Variants in MCF2 observed in about 807,000 individuals in gnomAD.
The protein encoded by MCF2 is MCF.2 cell line derived transforming sequence.
A neutral mutation model predicts 82.5 loss-of-function variants in MCF2; 44 were observed. That is an observed-to-expected ratio of 0.53 (90% CI 0.42 to 0.69). The LOEUF is 0.69. Among genes scored for constraint, MCF2 ranks in the 30% least tolerant of loss-of-function variants. MCF2 has a pLI of 0.00. For synonymous variants in MCF2, 217 were observed against 224.9 expected, an observed-to-expected ratio of 0.96 and a Z score of 0.32; for missense variants, 623 against 663.1, an observed-to-expected ratio of 0.94 and a Z score of 0.66.
chrX:139,691,215 G>A lies in MCF2; in HGVS notation c.-45+16891C>T, dbSNP rs565448311. 9.5e-4 allele frequency among the ~76,000 whole-genome samples: 106 copies of A among 111,316 alleles called. 1 individual carries two copies. The South Asian group carries it at 0.039, about 41-fold the overall frequency. ...CTCATGGACCAAGATGAAAAGATGCGCTTTTCTGGGTGCAAAGCCCAAGTC... is the reference window on the plus strand; with the variant it reads ...CTCATGGACCAAGATGAAAAGATGCACTTTTCTGGGTGCAAAGCCCAAGTC... On this transcript the variant is annotated intron_variant, in intron 1 of 27. Transcript: ENST00000414978.
chrX:139,641,357 T>A (rs1263328346), intron 1 of MCF2, among the ~76,000 whole-genome samples: 1 of 110,319 alleles, frequency 9.1e-6, no homozygotes, highest in Non-Finnish European at 1.9e-5. Flanking sequence ...ATTCTCATAA[T>A]ATAAAAACAT....
intron 8 of MCF2, among the ~76,000 whole-genome samples, chrX:139,617,096 T>C (rs1025439643): frequency 1.8e-5 from 2 of 111,348 alleles, no homozygotes; most frequent in Non-Finnish European, 3.8e-5. Context: ...GTTTAATATT[T>C]TATTTCTGTA....
At position 139,676,660 on chromosome X, in the gene MCF2, C is replaced by T. The variant is rs182474530; in HGVS notation, c.-44-24872G>A. ...TGGTAAAGTGGAAAAAATGGCAGCA[C>T]CTATTTCACAGGGTTATTGTAATGA... On this transcript the variant is annotated intron_variant, in intron 1 of 27. Transcript: ENST00000414978. Among the ~76,000 whole-genome samples, 92 of 111,571 alleles carry T rather than the reference C, an allele frequency of 8.2e-4. 1 individual carries two copies. The highest frequency in any genetic ancestry group is 2.9e-3 in the African/African-American group (88 of 30,741).
At chrX:139,664,214 G>C (rs892900873) in intron 1 of MCF2, among the ~76,000 whole-genome samples, 3 of 109,945 alleles carry the variant, frequency 2.7e-5, no homozygotes, top group Non-Finnish European at 5.7e-5. Flanking sequence ...TATTGGCCAG[G>C]GTGGTCTCGA....
intron 1 of MCF2, among the ~76,000 whole-genome samples, chrX:139,693,787 G>A (rs1459655397): frequency 9.0e-6 from 1 of 111,075 alleles, no homozygotes; most frequent in African/African-American, 3.3e-5. Context: ...CACAAATGAG[G>A]GGTAGTCTAT....
rs1184733594 is a variant in MCF2 at position 139,650,186 on chromosome X, T to C, written c.25+1534A>G. On this transcript the variant is annotated intron_variant, in intron 2 of 27. Transcript: ENST00000414978. ...CCTAGGCAACATAGCAAAACCCTTT[T>C]GCTACAAAAATATAAAAATTAGCTA... Among the ~76,000 whole-genome samples, 3 of 111,198 alleles carry C rather than the reference T, an allele frequency of 2.7e-5. No individual in the cohort carries two copies. In the East Asian group the frequency reaches 8.4e-4, roughly 31 times the overall value.
At chrX:139,635,963 A>G (rs1307652357) in intron 1 of MCF2, among the ~76,000 whole-genome samples, 1 of 111,511 alleles carries the variant, frequency 9.0e-6, no homozygotes, top group African/African-American at 3.3e-5. Flanking sequence ...AAGTGAGAAC[A>G]TGCAGTATTT....
At chrX:139,625,515 A>G (rs1461858371) in intron 6 of MCF2, among the ~76,000 whole-genome samples, 3 of 111,765 alleles carry the variant, frequency 2.7e-5, no homozygotes, top group African/African-American at 9.8e-5. Context: ...AAAGCAAGTA[A>G]GCCATTCATG....
chrX:139,619,785 A>C, intron 6 of MCF2, 79 bp from the exon 10 acceptor site: 1 of 758,388 alleles, frequency 1.3e-6, no homozygotes, highest in South Asian at 3.8e-5. Context: ...AATGCTTTTA[A>C]ACAAAAATAT....
At position 139,597,461 on chromosome X, in the gene MCF2, A is replaced by G. The variant is rs866464492; in HGVS notation, c.2054T>C (p.Ile685Thr). The G allele has an allele frequency of 3.4e-6, 4 of 1,192,965 alleles. No individual in the cohort carries two copies. In the African/African-American group the frequency reaches 5.2e-5, roughly 16 times the overall value. Residue 685 changes from isoleucine to threonine, a missense_variant and splice_region_variant, in exon 18 of 25, where the codon ATT becomes ACT. Physicochemically the swap from Ile to Thr is moderately conservative, Grantham distance 89. Coordinates refer to ENST00000370576, the Ensembl canonical transcript of MCF2. ...CAACAATTATTAAAATGTGCTTACAATATAGCCATTTATTGCAATCTGATG... is the reference window on the plus strand; with the variant it reads ...CAACAATTATTAAAATGTGCTTACAGTATAGCCATTTATTGCAATCTGATG...
intron 19 of MCF2, 150 bp from the exon 24 acceptor site, chrX:139,590,077 A>G: frequency 4.9e-6 from 2 of 407,570 alleles, no homozygotes; most frequent in Non-Finnish European, 8.4e-6. Context: ...AGTAATTACA[A>G]TCATAGACGA....
At chrX:139,628,106 C>A (rs1182463726) in intron 4 of MCF2, among the ~76,000 whole-genome samples, 1 of 111,802 alleles carries the variant, frequency 8.9e-6, no homozygotes, top group African/African-American at 3.2e-5. Context: ...ACCATTCAAC[C>A]CAGCATTGCC....
At chrX:139,646,759 A>G, upstream of MCF2, 8 of 810,147 alleles carry the variant, frequency 9.9e-6, no homozygotes, top group Non-Finnish European at 1.2e-5. Flanking sequence ...ATATAAAGCG[A>G]ATTGAAAAAA....
intron 1 of MCF2, among the ~76,000 whole-genome samples, chrX:139,706,015 T>C (rs1434526935): frequency 5.3e-5 from 6 of 112,374 alleles, no homozygotes; most frequent in Non-Finnish European, 1.1e-4. Flanking sequence ...CACAATGAGA[T>C]ACCATCTCAC....
At chrX:139,613,248 G>A in intron 10 of MCF2, 1 of 1,151,333 alleles carries the variant, frequency 8.7e-7, no homozygotes, top group Non-Finnish European at 1.2e-6. Flanking sequence ...TTGAAAGAAA[G>A]AGTATCCAAC....
intron 19 of MCF2, 109 bp from the exon 24 acceptor site, chrX:139,590,036 A>G: frequency 2.2e-6 from 1 of 458,489 alleles, no homozygotes; most frequent in South Asian, 3.9e-5. Flanking sequence ...TTGGGCAGAA[A>G]AATACATGTT....
At chrX:139,597,582 G>T in exon 18 of MCF2, 1 of 1,143,418 alleles carries the variant, frequency 8.7e-7, no homozygotes, top group Non-Finnish European at 1.2e-6. Context: ...TATTTTAATA[G>T]CTCCTGTAAT....
At chrX:139,681,815 C>T (rs753958730) in intron 1 of MCF2, among the ~76,000 whole-genome samples, 1 of 112,010 alleles carries the variant, frequency 8.9e-6, no homozygotes, top group Non-Finnish European at 1.9e-5. Context: ...ATTGATATAT[C>T]TATATTCATA....
intron 2 of MCF2, among the ~76,000 whole-genome samples, chrX:139,648,384 C>T (rs184993829): frequency 3.7e-5 from 4 of 109,309 alleles, no homozygotes; most frequent in South Asian, 4.0e-4. Context: ...CACGCCCCCC[C>T]CAAAAAGAAA....
Sources: allele counts gnomAD v4.1 joint callset (sites outside exome capture counted in the v4.1 genomes callset), GRCh38; gene constraint gnomAD v4.1.1; transcripts MANE v1.5; gene names NCBI Gene and HGNC (gene_info 2026-07-23, HGNC 2026-07-21).